INPP4B: variants seen among roughly 807,000 people sequenced by gnomAD.
INPP4B encodes the protein inositol polyphosphate 4-phosphatase type II.
In INPP4B, 55 loss-of-function variants were observed where a neutral mutation model predicts 122.5. The observed-to-expected ratio is 0.45, with a 90% CI of 0.36 to 0.56. The LOEUF is 0.56. Among genes scored for constraint, INPP4B ranks in the 20% least tolerant of loss-of-function variants. INPP4B has a pLI of 0.00. For missense variants in INPP4B, 1,000 were observed against 1,097.7 expected, an observed-to-expected ratio of 0.91 and a Z score of 1.26; for synonymous variants, 403 against 388.7, an observed-to-expected ratio of 1.04 and a Z score of -0.43.
intron 2 of INPP4B, among the ~76,000 whole-genome samples, chr4:142,622,972 T>G (rs1165852601): frequency 1.3e-5 from 2 of 151,976 alleles, no homozygotes; most frequent in East Asian, 3.9e-4. Flanking sequence ...AATAAATTAC[T>G]GCCCAAAGAG....
chr4:142,587,368 G>A (rs534298252), intron 2 of INPP4B, among the ~76,000 whole-genome samples: 1 of 151,998 alleles, frequency 6.6e-6, no homozygotes, highest in South Asian at 2.1e-4. Flanking sequence ...TTAAAATTGT[G>A]CTGAAAAAGA....
intron 3 of INPP4B, among the ~76,000 whole-genome samples, chr4:142,457,435 GA>G (rs1285000965): frequency 6.6e-6 from 1 of 151,744 alleles, no homozygotes; most frequent in Non-Finnish European, 1.5e-5. Flanking sequence ...AACTCCATAA[GA>G]AAACAAAAAT....
chr4:142,597,777 A>T (rs1739028367), intron 2 of INPP4B, among the ~76,000 whole-genome samples: 1 of 152,292 alleles, frequency 6.6e-6, no homozygotes, highest in African/African-American at 2.4e-5. Context: ...AAACAACAAG[A>T]TCTATAATAG....
intron 9 of INPP4B, among the ~76,000 whole-genome samples, chr4:142,279,130 A>G (rs1214085603): frequency 6.6e-6 from 1 of 152,114 alleles, no homozygotes; most frequent in East Asian, 1.9e-4. Context: ...AACTATAAAT[A>G]CTAATAAAAA....
At chr4:142,339,531 C>G (rs1245980947) in intron 7 of INPP4B, among the ~76,000 whole-genome samples, 1 of 151,874 alleles carries the variant, frequency 6.6e-6, no homozygotes, top group African/African-American at 2.4e-5. Flanking sequence ...TTCTTTTTAC[C>G]AGGATTAGGT....
rs1395667975 is a variant in INPP4B at position 142,806,763 on chromosome 4, AGAAGAAAGAAAGAAAGAAAGAAG to A, written c.-254+39423_-254+39445del. ...TGTTAAAAAAAAAGAAGAAGAAGAA[AGAAGAAAGAAAGAAAGAAAGAAG>A]GAAAGAAAGAAAGAAAGAAAGAAAG... On this transcript the variant is annotated intron_variant, in intron 1 of 25. Coordinates refer to ENST00000262992, the MANE Select transcript of INPP4B (RefSeq NM_001101669.3). 6.5e-3 allele frequency among the ~76,000 whole-genome samples: 822 copies of A among 125,972 alleles called. 8 individuals are homozygous for A. Among genetic ancestry groups the A allele is most frequent in the Middle Eastern group, 0.038 (10 of 266 alleles). 82.6% of individuals were successfully genotyped at this position (125,972 alleles called of 152,430 possible). A position where few individuals can be genotyped will look rare whatever the true frequency, so the allele number is the denominator to read the frequency against.
chr4:142,795,182 T>G (rs1405694893), intron 1 of INPP4B: 1 of 151,874 alleles, frequency 6.6e-6, no homozygotes, highest in Non-Finnish European at 1.5e-5. Flanking sequence ...TTGACAAACA[T>G]AATGATTTCA....
chr4:142,354,309 G>A (rs1363671455), intron 7 of INPP4B, among the ~76,000 whole-genome samples: 1 of 151,954 alleles, frequency 6.6e-6, no homozygotes, highest in Admixed American at 6.6e-5. Flanking sequence ...TCCTGAATGT[G>A]CCAGCAGATC....
At position 142,722,592 on chromosome 4, in the gene INPP4B, A is replaced by G. The variant is rs187251183; in HGVS notation, c.-191+3247T>C. ...AAAAAATCATAAAAGCCACATTCTT[A>G]AAAACTACCATAACAGCTTCTTTTC... On this transcript the variant is annotated intron_variant, in intron 2 of 25. Transcript: ENST00000262992. Among the ~76,000 whole-genome samples the G allele has an allele frequency of 7.6e-3, 1,152 of 152,332 alleles. 11 individuals carry two copies. Among genetic ancestry groups the G allele is most frequent in the African/African-American group, 0.026 (1,075 of 41,586 alleles).
intron 7 of INPP4B, among the ~76,000 whole-genome samples, chr4:142,366,992 G>T (rs969270071): frequency 6.6e-6 from 1 of 152,078 alleles, no homozygotes; most frequent in Non-Finnish European, 1.5e-5. Flanking sequence ...TGTACCCAAA[G>T]AATGTGATCA....
chr4:142,240,842 C>T (rs1859007874), intron 11 of INPP4B, among the ~76,000 whole-genome samples: 1 of 151,996 alleles, frequency 6.6e-6, no homozygotes, highest in Non-Finnish European at 1.5e-5. Context: ...AGATTTGTTG[C>T]ACTGGTTACA....
chr4:142,154,798 G>A (rs1816294105), intron 17 of INPP4B, among the ~76,000 whole-genome samples: 1 of 152,088 alleles, frequency 6.6e-6, no homozygotes, highest in Admixed American at 6.6e-5. Context: ...TTCTATAAAT[G>A]TGTATTGAGT....
chr4:142,588,844 T>C (rs993422856), intron 2 of INPP4B, among the ~76,000 whole-genome samples: 2 of 151,850 alleles, frequency 1.3e-5, no homozygotes, highest in Non-Finnish European at 3.0e-5. Context: ...AGCAACCCGA[T>C]TGTAAATTTT....
intron 6 of INPP4B, 47 bp downstream of exon 6, chr4:142,405,159 A>AAGAGAGAGAG (rs3076598): frequency 1.8e-4 from 174 of 970,656 alleles, no homozygotes; most frequent in East Asian, 3.5e-4. Flanking sequence ...GCGAGCCAGC[A>AAGAGAGAGAG]AGAGAGAGAG....
intron 2 of INPP4B, among the ~76,000 whole-genome samples, chr4:142,652,362 T>C (rs1249528957): frequency 1.3e-5 from 2 of 152,178 alleles, no homozygotes; most frequent in East Asian, 3.8e-4. Context: ...TGTTAGAAGT[T>C]CTGGCCAGGG....
At chr4:142,277,112 G>T (rs1374863351) in intron 9 of INPP4B, among the ~76,000 whole-genome samples, 1 of 150,226 alleles carries the variant, frequency 6.7e-6, no homozygotes, top group Non-Finnish European at 1.5e-5. Flanking sequence ...ATGTTTGTTA[G>T]TCATTTGTAT....
chr4:142,073,037 CTAAT>C (rs978179588), intron 25 of INPP4B, among the ~76,000 whole-genome samples: 3 of 151,916 alleles, frequency 2.0e-5, no homozygotes, highest in African/African-American at 7.3e-5. Context: ...CTGAGCTGGC[CTAAT>C]TGTTAGATTT....
intron 4 of INPP4B, among the ~76,000 whole-genome samples, chr4:142,430,655 CT>C (rs1809110667): frequency 6.6e-6 from 1 of 152,066 alleles, no homozygotes; most frequent in South Asian, 2.1e-4. Context: ...CACATGCAAA[CT>C]TGGCCAAATC....
At chr4:142,728,965 G>T (rs890535894) in intron 1 of INPP4B, among the ~76,000 whole-genome samples, 1 of 152,038 alleles carries the variant, frequency 6.6e-6, no homozygotes, top group Non-Finnish European at 1.5e-5. Context: ...AAAATCTTAC[G>T]GTTAATTTAA....
Sources: allele counts gnomAD v4.1 joint callset (sites outside exome capture counted in the v4.1 genomes callset), GRCh38; gene constraint gnomAD v4.1.1; transcripts MANE v1.5; gene names NCBI Gene and HGNC (gene_info 2026-07-23, HGNC 2026-07-21).